The following F8 variants were observed in gnomAD, a reference collection of about 807,000 sequenced individuals.
The protein encoded by F8 is antihemophilic factor.
Under a neutral mutation model 140.6 loss-of-function variants are expected in F8, and 12 were observed. The observed-to-expected ratio is 0.09, with a 90% confidence interval of 0.05 to 0.14. The LOEUF is 0.14. F8 is among the 10% of genes least tolerant of loss of function. The pLI, the probability that F8 is intolerant of heterozygous loss-of-function variation, is 1.00. For synonymous variants in F8, 585 were observed against 614.6 expected, an observed-to-expected ratio of 0.95 and a Z score of 0.71; for missense variants, 1,354 against 1,720.7, an observed-to-expected ratio of 0.79 and a Z score of 3.77.
chrX:154,896,138 A>G lies in F8; in HGVS notation c.6368T>C (p.Met2123Thr), dbSNP rs782413761. The change falls in exon 22 of 26, where the codon ATG becomes ACG. Residue 2123 changes from methionine to threonine, a missense_variant. Around this residue, in one of 4 missense-constraint regions of F8, gnomAD observed 316 missense variants for 485.4 expected, o/e 0.65. Transcript: ENST00000360256. ...SSLYISQFII[M>T]YSLDGKKWQT... Reference sequence around the variant, plus strand: ...CCACTTCTTCCCATCAAGACTATACATGATGATAAACTGAGAGATGTAGAG... The same window carrying G: ...CCACTTCTTCCCATCAAGACTATACGTGATGATAAACTGAGAGATGTAGAG... The G allele has an allele frequency of 5.0e-6, 6 of 1,209,007 alleles. No homozygotes were observed. Among genetic ancestry groups the G allele is most frequent in the Non-Finnish European group, 6.7e-6 (6 of 893,117 alleles).
At chrX:154,903,320 G>A (rs1202063028) in intron 18 of F8, among the ~76,000 whole-genome samples, 2 of 110,704 alleles carry the variant, frequency 1.8e-5, no homozygotes, top group Non-Finnish European at 3.8e-5. Context: ...AAGTAGCTGG[G>A]ACTACAGGTA....
chrX:155,007,742 G>A (rs999601769), intron 1 of F8, among the ~76,000 whole-genome samples: 4 of 112,229 alleles, frequency 3.6e-5, no homozygotes, highest in Non-Finnish European at 5.6e-5. Flanking sequence ...AACTAATGCC[G>A]CATGATCTGA....
chrX:155,012,917 T>C (rs1341599342), intron 1 of F8, among the ~76,000 whole-genome samples: 7 of 108,946 alleles, frequency 6.4e-5, no homozygotes, highest in South Asian at 3.9e-4. Flanking sequence ...GAGGCCGAGG[T>C]GGGCGGATCA....
chrX:154,962,034 C>A (rs782267752), intron 9 of F8, among the ~76,000 whole-genome samples: 1 of 111,934 alleles, frequency 8.9e-6, no homozygotes, highest in Non-Finnish European at 1.9e-5. Context: ...GTCTCCACCC[C>A]AAAGTGAACA....
rs1381488985 is a variant in F8 at position 154,902,100 on chromosome X, G to A, written c.6066C>T (p.Gly2022=). The change falls in exon 19 of 26, where the codon GGC becomes GGT. Residue 2022 remains glycine, a synonymous_variant. Coordinates refer to ENST00000360256, the MANE Select transcript of F8 (RefSeq NM_000132.4). The stretch of plus-strand genomic sequence containing the variant: ...TGCTCATCCCAGCATGTAGATGCTC[G>A]CCAATAAGGCATTCCACCCGCCAAA... The part of the protein sequence containing the change: ...AGIWRVECLI[G]EHLHAGMSTL... The A allele has an allele frequency of 2.5e-6, 3 of 1,208,661 alleles. No individual in the cohort carries two copies. Among genetic ancestry groups the A allele is most frequent in the African/African-American group, 1.8e-5 (1 of 57,136 alleles).
At chrX:154,971,298 T>C (rs927066130) in intron 6 of F8, among the ~76,000 whole-genome samples, 1 of 111,977 alleles carries the variant, frequency 8.9e-6, no homozygotes, top group African/African-American at 3.2e-5. Flanking sequence ...CAGAAGAAGC[T>C]TTAAGTATCT....
intron 25 of F8, among the ~76,000 whole-genome samples, chrX:154,852,357 C>G (rs782603715): frequency 7.5e-4 from 84 of 112,017 alleles, no homozygotes; most frequent in African/African-American, 2.7e-3. Flanking sequence ...CAGATGTGAG[C>G]CACCACATCC....
chrX:154,990,783 T>C (rs782007528), intron 4 of F8, among the ~76,000 whole-genome samples: 2 of 111,989 alleles, frequency 1.8e-5, no homozygotes, highest in East Asian at 5.6e-4. Flanking sequence ...TCAATGGCAC[T>C]GCAAGGGGTT....
chrX:154,944,258 G>A (rs1353616177), intron 13 of F8, among the ~76,000 whole-genome samples: 15 of 106,762 alleles, frequency 1.4e-4, no homozygotes, highest in Admixed American at 1.3e-3. Context: ...GAAAATTTTC[G>A]CAACCTACTC....
chrX:154,915,063 C>T (rs781964699), intron 14 of F8, among the ~76,000 whole-genome samples: 4 of 111,695 alleles, frequency 3.6e-5, no homozygotes, highest in African/African-American at 6.5e-5. Flanking sequence ...TGGTGGAAGG[C>T]GTAGGGGAAG....
rs193034127 is a variant in F8 at position 155,006,161 on chromosome X, T to C, written c.144-6561A>G. On this transcript the variant is annotated intron_variant, in intron 1 of 25. Coordinates refer to ENST00000360256, the MANE Select transcript of F8 (RefSeq NM_000132.4). The stretch of plus-strand genomic sequence containing the variant: ...ACATTTTATTTTGTCTGATTTCCTT[T>C]GGGAGAATTCATTGCCAGCTATAAA... Among the ~76,000 whole-genome samples the C allele has an allele frequency of 9.8e-3, 1,085 of 110,991 alleles. 15 individuals are homozygous for C. The highest frequency in any genetic ancestry group is 0.013 in the Non-Finnish European group (704 of 53,004).
chrX:154,936,378 A>C (rs1170963303), intron 13 of F8, among the ~76,000 whole-genome samples: 4 of 112,160 alleles, frequency 3.6e-5, no homozygotes, highest in Non-Finnish European at 5.6e-5. Context: ...TAGGTTGAAA[A>C]GAAAAGAATG....
intron 6 of F8, among the ~76,000 whole-genome samples, chrX:154,980,651 A>T (rs782118773): frequency 4.5e-5 from 5 of 111,924 alleles, no homozygotes; most frequent in Non-Finnish European, 9.4e-5. Flanking sequence ...GCTCTATTTC[A>T]GTGAGCTCGT....
chrX:154,899,087 G>A (rs2072997096), intron 21 of F8, among the ~76,000 whole-genome samples: 1 of 112,704 alleles, frequency 8.9e-6, no homozygotes, highest in East Asian at 2.8e-4. Context: ...AACATAACAT[G>A]TTGTTTGGCA....
intron 1 of F8, among the ~76,000 whole-genome samples, chrX:155,013,082 C>G (rs1379567412): frequency 1.1e-5 from 1 of 94,097 alleles, no homozygotes; most frequent in Non-Finnish European, 2.0e-5. Context: ...GGAGGCGGAG[C>G]TTGCAGTGAG....
intron 13 of F8, among the ~76,000 whole-genome samples, chrX:154,944,269 A>T (rs1455335377): frequency 9.2e-6 from 1 of 108,930 alleles, no homozygotes; most frequent in African/African-American, 3.3e-5. Context: ...CAACCTACTC[A>T]TCTGACAAAG....
At chrX:154,863,350 A>G in intron 22 of F8, 123 bp from the exon 23 acceptor site, 1 of 621,651 alleles carries the variant, frequency 1.6e-6, no homozygotes, top group Admixed American at 2.4e-5. Flanking sequence ...ACATCTACAT[A>G]AGACAACTAT....
rs782556172 is a variant in F8 at position 154,999,555 on chromosome X, G to A, written c.189C>T (p.Val63=). The A allele has an allele frequency of 6.6e-6, 8 of 1,206,092 alleles. No individual in the cohort carries two copies. The African/African-American group carries it at 7.0e-5, about 11-fold the overall frequency. The part of the protein sequence containing the change: ...VPKSFPFNTS[V]VYKKTLFVEF... ...CTACAAACAGAGTCTTTTTGTACAC[G>A]ACTGAGGTGTTGAATGGAAAAGATT... Residue 63 remains valine (V), a synonymous_variant, in exon 2 of 26, where the codon GTC becomes GTT. Coordinates refer to ENST00000360256, the MANE Select transcript of F8 (RefSeq NM_000132.4).
At chrX:154,927,357 G>A (rs1268258329) in intron 14 of F8, among the ~76,000 whole-genome samples, 2 of 111,551 alleles carry the variant, frequency 1.8e-5, no homozygotes, top group African/African-American at 6.5e-5. Flanking sequence ...ATGATGTAAG[G>A]GAGAAAAGGA....
Sources: allele counts gnomAD v4.1 joint callset (sites outside exome capture counted in the v4.1 genomes callset), GRCh38; gene constraint gnomAD v4.1.1; regional missense constraint gnomAD v4.1.1; transcripts MANE v1.5; gene names NCBI Gene and HGNC (gene_info 2026-07-23, HGNC 2026-07-21).